The following RNLS variants were observed in gnomAD, a reference collection of about 807,000 sequenced individuals.
The protein encoded by RNLS is renalase.
In RNLS, 39 loss-of-function variants were observed where a neutral mutation model predicts 39.8. That is an observed-to-expected ratio of 0.98 (90% CI 0.76 to 1.28). RNLS has a LOEUF of 1.28. Ranked by LOEUF, RNLS falls within the 50% of genes most tolerant of loss-of-function variation. The pLI is 0.00. For synonymous variants in RNLS, 147 were observed against 150.7 expected, an observed-to-expected ratio of 0.98 and a Z score of 0.18; for missense variants, 410 against 413.3, an observed-to-expected ratio of 0.99 and a Z score of 0.07.
chr10:88,297,504 T>G (rs1458810828), intron 6 of RNLS, among the ~76,000 whole-genome samples: 1 of 152,188 alleles, frequency 6.6e-6, no homozygotes, highest in East Asian at 1.9e-4. Context: ...ACATAAAATT[T>G]GCAATTAGTG....
chr10:88,497,946 A>G (rs898599436), intron 4 of RNLS, among the ~76,000 whole-genome samples: 5 of 45,252 alleles, frequency 1.1e-4, no homozygotes, highest in Non-Finnish European at 2.6e-4. Flanking sequence ...TTGAAGAGAA[A>G]AAAAAAAACC....
intron 4 of RNLS, among the ~76,000 whole-genome samples, chr10:88,457,242 C>G (rs1023402532): frequency 3.3e-5 from 5 of 152,156 alleles, no homozygotes; most frequent in African/African-American, 1.2e-4. Flanking sequence ...TACTAAACAA[C>G]AAAATTGCTG....
At chr10:88,559,615 C>T (rs1849059316) in intron 4 of RNLS, among the ~76,000 whole-genome samples, 1 of 152,136 alleles carries the variant, frequency 6.6e-6, no homozygotes, top group Admixed American at 6.6e-5. Context: ...AAAGCACTCT[C>T]TCCCTTTCCC....
chr10:88,204,022 C>T, the RNLS span, among the ~76,000 whole-genome samples: 5 of 152,166 alleles, frequency 3.3e-5, no homozygotes, highest in East Asian at 1.9e-4. Context: ...TAGGTGCTCT[C>T]GCTTGGCATA....
chr10:88,375,199 A>AAAAC (rs1850880580), intron 4 of RNLS, among the ~76,000 whole-genome samples: 1 of 152,150 alleles, frequency 6.6e-6, no homozygotes, highest in South Asian at 2.1e-4. Context: ...ACAACAGAAC[A>AAAAC]AAACAACCCC....
chr10:88,581,824 T>C, intron 2 of RNLS, 115 bp from the exon 3 acceptor site: 1 of 628,940 alleles, frequency 1.6e-6, no homozygotes, highest in Non-Finnish European at 2.5e-6. Context: ...AAATTAGATA[T>C]CTTCCTATGA....
At chr10:88,567,581 T>C (rs1034097596) in intron 4 of RNLS, among the ~76,000 whole-genome samples, 4 of 152,186 alleles carry the variant, frequency 2.6e-5, no homozygotes, top group African/African-American at 9.7e-5. Flanking sequence ...GGCAATAAAT[T>C]ATCCTACTTT....
intron 4 of RNLS, among the ~76,000 whole-genome samples, chr10:88,380,249 C>G (rs1332826098): frequency 6.6e-6 from 1 of 151,684 alleles, no homozygotes; most frequent in African/African-American, 2.4e-5. Context: ...ATTAATCCTA[C>G]TTTTGTTACC....
Position 88,284,373 on chromosome 10 carries a change from A to C in RNLS, c.*981T>G. 1.0e-6 allele frequency: 1 copy of C among 985,404 alleles called. No individual in the cohort carries two copies. Among genetic ancestry groups the C allele is most frequent in the Non-Finnish European group, 1.2e-6 (1 of 829,922 alleles). The allele number at this position is 985,404 out of a possible 1,614,324, so 61.0% of individuals were successfully genotyped here. On this transcript the variant is annotated 3_prime_UTR_variant, in exon 7 of 7. Coordinates refer to ENST00000331772, the MANE Select transcript of RNLS (RefSeq NM_001031709.3). ...TCATCATTTTGCTTTTCAAATTAGCAACAGGTAGCTGGTTTGGAAGGCTGG... is the reference window on the plus strand; with the variant it reads ...TCATCATTTTGCTTTTCAAATTAGCCACAGGTAGCTGGTTTGGAAGGCTGG...
At chr10:88,222,323 T>A in the RNLS span, among the ~76,000 whole-genome samples, 1 of 152,142 alleles carries the variant, frequency 6.6e-6, no homozygotes, top group Admixed American at 6.6e-5. Context: ...CTGGGACATG[T>A]CATTCTGTGT....
At chr10:88,355,050 G>T (rs1238622453) in intron 5 of RNLS, among the ~76,000 whole-genome samples, 1 of 152,214 alleles carries the variant, frequency 6.6e-6, no homozygotes, top group Non-Finnish European at 1.5e-5. Flanking sequence ...CTTGTGCCAT[G>T]GTTTTCAGCT....
At chr10:88,318,037 A>G (rs1564689547) in intron 5 of RNLS, among the ~76,000 whole-genome samples, 2 of 152,186 alleles carry the variant, frequency 1.3e-5, no homozygotes, top group Admixed American at 6.5e-5. Context: ...CCAGGTGGCC[A>G]GCTCATGTTA....
chr10:88,537,401 C>T (rs925883559), intron 4 of RNLS, among the ~76,000 whole-genome samples: 12 of 152,060 alleles, frequency 7.9e-5, no homozygotes, highest in Non-Finnish European at 5.9e-5. Flanking sequence ...GAGAAATGTA[C>T]AAGAATGTTC....
At chr10:88,385,263 C>T (rs1356260105) in intron 4 of RNLS, among the ~76,000 whole-genome samples, 2 of 152,158 alleles carry the variant, frequency 1.3e-5, no homozygotes, top group East Asian at 3.9e-4. Context: ...GATAAAAAGA[C>T]TCTGAAAGTA....
At chr10:88,557,040 A>G (rs910160220) in intron 4 of RNLS, among the ~76,000 whole-genome samples, 28 of 152,016 alleles carry the variant, frequency 1.8e-4, no homozygotes, top group Non-Finnish European at 3.1e-4. Flanking sequence ...TAGATGTTCA[A>G]TATCTGTAAA....
intron 4 of RNLS, among the ~76,000 whole-genome samples, chr10:88,417,609 T>C (rs973546885): frequency 2.0e-5 from 3 of 152,234 alleles, no homozygotes; most frequent in Admixed American, 6.5e-5. Context: ...AATGGTACTC[T>C]TGTTCCTTGA....
At chr10:88,471,285 T>C (rs907178267) in intron 4 of RNLS, among the ~76,000 whole-genome samples, 10 of 152,182 alleles carry the variant, frequency 6.6e-5, no homozygotes, top group Non-Finnish European at 1.3e-4. Flanking sequence ...CTTCAATAAA[T>C]AAGACTGCAA....
At chr10:88,355,869 G>C (rs1021999001) in intron 5 of RNLS, among the ~76,000 whole-genome samples, 4 of 152,202 alleles carry the variant, frequency 2.6e-5, no homozygotes, top group African/African-American at 9.6e-5. Context: ...CCCAGTTCGA[G>C]CTTCCAGATC....
intron 4 of RNLS, among the ~76,000 whole-genome samples, chr10:88,394,748 T>A (rs1311587526): frequency 6.6e-6 from 1 of 152,208 alleles, no homozygotes; most frequent in Non-Finnish European, 1.5e-5. Flanking sequence ...TGCACACGTA[T>A]GTTTATAGCG....
Sources: allele counts gnomAD v4.1 joint callset (sites outside exome capture counted in the v4.1 genomes callset), GRCh38; gene constraint gnomAD v4.1.1; transcripts MANE v1.5; gene names NCBI Gene and HGNC (gene_info 2026-07-23, HGNC 2026-07-21).